Variants in PARVB observed in about 807,000 individuals in gnomAD.
PARVB encodes the protein parvin beta, also known as beta-parvin.
In PARVB, 46 loss-of-function variants were observed where a neutral mutation model predicts 47.0. The observed-to-expected ratio is 0.98, with a 90% CI of 0.77 to 1.25. PARVB has a LOEUF of 1.25. PARVB is among the 50% of genes most tolerant of loss of function. PARVB has a pLI of 0.00. For missense variants in PARVB, 473 were observed against 471.6 expected (o/e 1.00, Z -0.03); for synonymous variants, 196 against 196.3 (o/e 1.00, Z 0.01).
chr22:44,037,512 G>A (rs1277797246), intron 1 of PARVB, among the ~76,000 whole-genome samples: 1 of 152,220 alleles, frequency 6.6e-6, no homozygotes, highest in Non-Finnish European at 1.5e-5. Flanking sequence ...CCCAGGTGCT[G>A]TGCTAGATGC....
chr22:44,033,876 C>T (rs372801898), intron 1 of PARVB, among the ~76,000 whole-genome samples: 6 of 152,208 alleles, frequency 3.9e-5, no homozygotes, highest in South Asian at 2.1e-4. Flanking sequence ...GCTGTCTCAG[C>T]GGAGCCCTGT....
chr22:44,016,393 G>T (rs2050583709), intron 2 of PARVB, among the ~76,000 whole-genome samples: 1 of 152,148 alleles, frequency 6.6e-6, no homozygotes, highest in South Asian at 2.1e-4. Flanking sequence ...ACTGTGCCTG[G>T]CCTAGCTCTT....
chr22:44,033,635 A>C (rs1056746065), intron 1 of PARVB, among the ~76,000 whole-genome samples: 1 of 152,154 alleles, frequency 6.6e-6, no homozygotes, highest in African/African-American at 2.4e-5. Flanking sequence ...CCAGCCACCC[A>C]CAATCAGTCG....
intron 2 of PARVB, among the ~76,000 whole-genome samples, chr22:44,094,269 T>C (rs2052243248): frequency 6.6e-6 from 1 of 152,196 alleles, no homozygotes; most frequent in Admixed American, 6.5e-5. Flanking sequence ...AGCAAACAGA[T>C]TGGGAGAAGA....
intron 1 of PARVB, among the ~76,000 whole-genome samples, chr22:44,025,338 A>G (rs2050710991): frequency 1.3e-5 from 2 of 151,990 alleles, no homozygotes; most frequent in African/African-American, 4.8e-5. Context: ...TCCAGGGATT[A>G]GTGTACCCCG....
At chr22:44,168,297 C>A in intron 12 of PARVB, 1 of 323,588 alleles carries the variant, frequency 3.1e-6, no homozygotes, top group East Asian at 6.7e-5. Flanking sequence ...GCCATGTCCC[C>A]CAACCGGTTC....
chr22:44,148,850 A>AT (rs1162147668), intron 9 of PARVB: 1 of 152,144 alleles, frequency 6.6e-6, no homozygotes, highest in African/African-American at 2.4e-5. Context: ...GAGATCATTC[A>AT]TTTTTGGAAG....
At chr22:44,080,717 C>G (rs1196270503) in intron 1 of PARVB, among the ~76,000 whole-genome samples, 1 of 152,158 alleles carries the variant, frequency 6.6e-6, no homozygotes, top group African/African-American at 2.4e-5. Context: ...GAAAGTACAT[C>G]CTTTGAGTTT....
At chr22:44,154,087 C>G (rs2053867211) in intron 10 of PARVB, among the ~76,000 whole-genome samples, 1 of 152,230 alleles carries the variant, frequency 6.6e-6, no homozygotes. Context: ...CACATCCATA[C>G]CAGCTGTCCC....
intron 1 of PARVB, among the ~76,000 whole-genome samples, chr22:44,056,863 T>C (rs1392284775): frequency 6.6e-6 from 1 of 150,728 alleles, no homozygotes; most frequent in African/African-American, 2.4e-5. Context: ...TGAGGGTGAC[T>C]GTATAAAATG....
chr22:44,065,082 G>A (rs2051492640), intron 1 of PARVB, among the ~76,000 whole-genome samples: 1 of 152,158 alleles, frequency 6.6e-6, no homozygotes, highest in South Asian at 2.1e-4. Flanking sequence ...GGCCAGCCCA[G>A]CCTGCCCCAT....
At chr22:44,029,922 G>A (rs73178461) in intron 1 of PARVB, among the ~76,000 whole-genome samples, 5,105 of 151,364 alleles carry the variant, frequency 0.034, 228 homozygotes, top group East Asian at 0.099. Flanking sequence ...AAAAAAAAAA[G>A]AAAAGAAAAG....
intron 3 of PARVB, chr22:44,109,740 C>CT: frequency 6.7e-6 from 1 of 149,912 alleles, no homozygotes; most frequent in South Asian, 2.1e-4. Flanking sequence ...TTTTTTTTTT[C>CT]TTTTTTCAGT....
intron 1 of PARVB, among the ~76,000 whole-genome samples, chr22:44,087,960 C>T (rs542065122): frequency 6.1e-4 from 92 of 151,498 alleles, no homozygotes; most frequent in Admixed American, 2.8e-3. Context: ...TGACGCTTCC[C>T]GAGGGGTGGC....
At chr22:44,130,914 G>A (rs978575248) in intron 4 of PARVB, among the ~76,000 whole-genome samples, 4 of 151,856 alleles carry the variant, frequency 2.6e-5, no homozygotes, top group Admixed American at 2.0e-4. Flanking sequence ...GAAGCTCAGC[G>A]TTCATGGTTC....
At chr22:44,014,883 C>G (rs2050559961) in intron 2 of PARVB, among the ~76,000 whole-genome samples, 1 of 151,038 alleles carries the variant, frequency 6.6e-6, no homozygotes, top group Non-Finnish European at 1.5e-5. Flanking sequence ...CGGAATCTCA[C>G]TCTGTTGCAC....
At chr22:44,109,756 T>G (rs1034033053) in intron 3 of PARVB, 7 of 152,178 alleles carry the variant, frequency 4.6e-5, no homozygotes, top group Middle Eastern at 3.4e-3. Flanking sequence ...TCAGTTTTCT[T>G]TATAGCAGCA....
intron 3 of PARVB, among the ~76,000 whole-genome samples, chr22:44,116,753 G>C (rs8135749): frequency 0.29 from 43,970 of 152,024 alleles, 6,608 homozygotes; most frequent in Middle Eastern, 0.46. Context: ...GGGGGATGCT[G>C]CCTGGAGGGC....
At chr22:44,076,863 C>A (rs1327580918) in intron 1 of PARVB, among the ~76,000 whole-genome samples, 1 of 152,082 alleles carries the variant, frequency 6.6e-6, no homozygotes, top group Non-Finnish European at 1.5e-5. Flanking sequence ...TCCTGTGCCC[C>A]CTCCCCAGCC....
Sources: gnomAD v4.1 joint callset for allele counts (sites outside exome capture counted in the v4.1 genomes callset) on GRCh38, gnomAD v4.1.1 for gene constraint, MANE v1.5 for transcripts, NCBI Gene and HGNC (gene_info 2026-07-23, HGNC 2026-07-21) for gene names.